Variants in KANK1 observed in about 807,000 individuals in gnomAD.
The protein encoded by KANK1 is KN motif and ankyrin repeat domain-containing protein 1.
KANK1 carries 109 observed loss-of-function variants against 106.2 expected under a neutral mutation model. The observed-to-expected ratio is 1.03, with a 90% CI of 0.88 to 1.20. KANK1 has a LOEUF of 1.20. Ranked by LOEUF, KANK1 falls within the 50% of genes most tolerant of loss-of-function variation. The pLI, the probability that KANK1 is intolerant of heterozygous loss-of-function variation, is 0.00. For synonymous variants in KANK1, 873 were observed against 652.2 expected, an observed-to-expected ratio of 1.34 and a Z score of -5.16; for missense variants, 2,399 against 1,710.7, an observed-to-expected ratio of 1.40 and a Z score of -7.10.
intron 1 of KANK1, among the ~76,000 whole-genome samples, chr9:672,042 C>G (rs1815278790): frequency 6.6e-6 from 1 of 152,208 alleles, no homozygotes; most frequent in Non-Finnish European, 1.5e-5. Context: ...ATATAGGTAA[C>G]TAAGGTGTCT....
At chr9:635,435 A>G (rs1449475410) in intron 1 of KANK1, among the ~76,000 whole-genome samples, 3 of 152,104 alleles carry the variant, frequency 2.0e-5, no homozygotes, top group Admixed American at 6.5e-5. Context: ...CTTCGTAGAG[A>G]ACCACAGACC....
intron 1 of KANK1, among the ~76,000 whole-genome samples, chr9:520,008 C>G (rs2059472436): frequency 6.6e-6 from 1 of 151,726 alleles, no homozygotes; most frequent in South Asian, 2.1e-4. Context: ...ATGAGCCACT[C>G]CACTCTGGGA....
Position 711,810 on chromosome 9 carries a change from C to G in KANK1, c.1044C>G (p.Asp348Glu). ...GAAGTGGCGGGGAATTATACATTGA[C>G]TATGAGGAGGAAGAAATGGAGACCG... ...ARRSGGELYI[D>E]YEEEEMETVE... The change falls in exon 3 of 12, where the codon GAC (aspartate) becomes GAG (glutamate). Residue 348 changes from aspartate (D) to glutamate (E), a missense_variant. Coordinates refer to ENST00000382297, the MANE Select transcript of KANK1 (RefSeq NM_015158.5). 1.2e-6 allele frequency: 2 copies of G among 1,614,034 alleles called. No individual in the cohort carries two copies. Among genetic ancestry groups the G allele is most frequent in the Non-Finnish European group, 1.7e-6 (2 of 1,180,018 alleles).
Position 564,471 on chromosome 9 carries a change from T to C in KANK1, c.-84+59717T>C, listed in dbSNP as rs184777031. ...TGTCCTCAACGTAGACACCTAGTTA[T>C]AAATTATATACGTGTACATATCTCT... is the stretch of plus-strand genomic sequence containing the variant. On this transcript the variant is annotated intron_variant, in intron 1 of 11. Transcript: ENST00000382297. Among the ~76,000 whole-genome samples the C allele has an allele frequency of 3.2e-3, 487 of 152,334 alleles. 5 individuals are homozygous for C. Among genetic ancestry groups the C allele is most frequent in the African/African-American group, 0.011 (466 of 41,582 alleles).
intron 1 of KANK1, among the ~76,000 whole-genome samples, chr9:613,406 C>G (rs1831037890): frequency 6.6e-6 from 1 of 151,534 alleles, no homozygotes; most frequent in Non-Finnish European, 1.5e-5. Flanking sequence ...TGCATGTGGC[C>G]CAGGACAGCT....
At chr9:634,014 G>T (rs949454681) in intron 1 of KANK1, among the ~76,000 whole-genome samples, 2 of 152,170 alleles carry the variant, frequency 1.3e-5, no homozygotes, top group African/African-American at 4.8e-5. Flanking sequence ...TGGTAAGAAA[G>T]GTTTATCTTT....
At chr9:608,431 G>T (rs1057486021) in intron 1 of KANK1, among the ~76,000 whole-genome samples, 2 of 151,824 alleles carry the variant, frequency 1.3e-5, no homozygotes, top group African/African-American at 4.9e-5. Context: ...AGAGCTAAAA[G>T]AAATCATTTT....
chr9:694,845 C>G (rs995111068), intron 2 of KANK1, among the ~76,000 whole-genome samples: 2 of 152,144 alleles, frequency 1.3e-5, no homozygotes, highest in African/African-American at 4.8e-5. Context: ...TGGAAAGGTG[C>G]TGCTGAGTGG....
chr9:594,926 G>A (rs1825846646), intron 1 of KANK1, among the ~76,000 whole-genome samples: 1 of 151,420 alleles, frequency 6.6e-6, no homozygotes, highest in East Asian at 1.9e-4. Flanking sequence ...TACAATCAGA[G>A]GAATTAAACA....
chr9:691,216 C>A lies in KANK1; in HGVS notation c.37+14207C>A, dbSNP rs369379781. 3.3e-5 allele frequency among the ~76,000 whole-genome samples: 5 copies of A among 152,260 alleles called. No individual in the cohort carries two copies. In the East Asian group the frequency reaches 9.6e-4, roughly 29 times the overall value. ...AGGCAAACACCCATAGGGTCAGATA[C>A]AAGCTACTTTAGCAAAATGATTGAC... On this transcript the variant is annotated intron_variant, in intron 2 of 11. Transcript: ENST00000382297.
chr9:725,269 TA>T (rs1216445091), intron 3 of KANK1, among the ~76,000 whole-genome samples: 3 of 151,982 alleles, frequency 2.0e-5, no homozygotes, highest in Non-Finnish European at 2.9e-5. Context: ...AATTAGGTGA[TA>T]TCCCTTGAGG....
intron 1 of KANK1, among the ~76,000 whole-genome samples, chr9:634,980 T>G (rs1836739648): frequency 6.6e-6 from 1 of 152,192 alleles, no homozygotes; most frequent in South Asian, 2.1e-4. Context: ...TTGTGGCTCT[T>G]GTAGGAGTAA....
intron 1 of KANK1, among the ~76,000 whole-genome samples, chr9:518,232 A>G (rs2059380383): frequency 6.6e-6 from 1 of 151,806 alleles, no homozygotes; most frequent in Non-Finnish European, 1.5e-5. Flanking sequence ...TAAACCTCTG[A>G]CCTCACATCC....
chr9:680,610 C>G (rs1259545361), intron 2 of KANK1, among the ~76,000 whole-genome samples: 1 of 152,124 alleles, frequency 6.6e-6, no homozygotes, highest in Non-Finnish European at 1.5e-5. Context: ...ACTGGGGATA[C>G]AGCAGTGAAC....
intron 11 of KANK1, 103 bp downstream of exon 11, chr9:744,692 A>C (rs1449189382): frequency 1.3e-5 from 20 of 1,598,096 alleles, no homozygotes; most frequent in Admixed American, 1.0e-4. Context: ...ATGTTGATTC[A>C]GAAAATGGAA....
At chr9:714,360 C>CTT (rs1208805621) in intron 3 of KANK1, among the ~76,000 whole-genome samples, 53 of 86,180 alleles carry the variant, frequency 6.1e-4, no homozygotes, top group African/African-American at 2.3e-3. Context: ...TTTTCCCACT[C>CTT]ATTTTTTTTT....
intron 1 of KANK1, among the ~76,000 whole-genome samples, chr9:543,818 C>G (rs1352753851): frequency 6.6e-6 from 1 of 152,106 alleles, no homozygotes; most frequent in African/African-American, 2.4e-5. Flanking sequence ...TAGTTAATTT[C>G]TATGCCTGTT....
chr9:668,869 T>C (rs1191573446), intron 1 of KANK1, among the ~76,000 whole-genome samples: 3 of 152,040 alleles, frequency 2.0e-5, no homozygotes, highest in African/African-American at 7.2e-5. Flanking sequence ...TAAGGAACGC[T>C]CAACCTAGAT....
intron 3 of KANK1, among the ~76,000 whole-genome samples, chr9:714,838 C>T (rs1418034097): frequency 6.6e-6 from 1 of 152,186 alleles, no homozygotes; most frequent in Non-Finnish European, 1.5e-5. Flanking sequence ...TGTGCACTGC[C>T]TCTCACAGTG....
Sources: gnomAD v4.1 joint callset for allele counts (sites outside exome capture counted in the v4.1 genomes callset) on GRCh38, gnomAD v4.1.1 for gene constraint, MANE v1.5 for transcripts, NCBI Gene and HGNC (gene_info 2026-07-23, HGNC 2026-07-21) for gene names.